TRPM6: variants seen among roughly 807,000 people sequenced by gnomAD.
TRPM6 encodes the protein channel kinase 2.
In TRPM6, 111 loss-of-function variants were observed where a neutral mutation model predicts 247.6. That is an observed-to-expected ratio of 0.45 (90% CI 0.38 to 0.52). The LOEUF is 0.52. TRPM6 is among the 20% of genes least tolerant of loss of function. TRPM6 has a pLI of 0.00. For synonymous variants in TRPM6, 892 were observed against 853.8 expected, an observed-to-expected ratio of 1.04 and a Z score of -0.78; for missense variants, 2,126 against 2,421.5, an observed-to-expected ratio of 0.88 and a Z score of 2.56.
At chr9:74,737,322 A>G (rs1825726627) in intron 36 of TRPM6, 2 of 1,258,362 alleles carry the variant, frequency 1.6e-6, no homozygotes, top group East Asian at 5.6e-5. Context: ...AGCATGTGAC[A>G]CAAGTTTCAA....
intron 28 of TRPM6, among the ~76,000 whole-genome samples, 192 bp from the exon 29 acceptor site, chr9:74,752,560 C>T (rs938344532): frequency 4.6e-5 from 7 of 152,132 alleles, no homozygotes; most frequent in Non-Finnish European, 1.0e-4. Context: ...ACTATATATT[C>T]TATTTCTATT....
Position 74,802,118 on chromosome 9 carries a change from C to G in TRPM6, c.1789G>C (p.Asp597His), listed in dbSNP as rs1406368209. Residue 597 changes from aspartate (D) to histidine (H), a missense_variant, in exon 16 of 39, where the codon GAT becomes CAT. Coordinates refer to ENST00000360774, the MANE Select transcript of TRPM6 (RefSeq NM_017662.5). ...AGAAAGCCAGTAGACTCAGGGTCAT[C>G]TGATACATTTTGTTCTTTTGACTTC... ...RKKSKEQNVSDDPESTGFLYP... is the reference protein window; with the variant it reads ...RKKSKEQNVSHDPESTGFLYP... 6.2e-7 allele frequency: 1 copy of G among 1,614,006 alleles called. No individual in the cohort carries two copies.
At chr9:74,850,722 AAAAAAAAC>A (rs1830275875) in intron 3 of TRPM6, among the ~76,000 whole-genome samples, 2 of 152,094 alleles carry the variant, frequency 1.3e-5, no homozygotes, top group African/African-American at 4.8e-5. Context: ...CTTCGTCTCA[AAAAAAAAC>A]AAAAAAACAA....
intron 1 of TRPM6, among the ~76,000 whole-genome samples, chr9:74,865,559 G>A (rs1046905929): frequency 3.3e-5 from 5 of 152,110 alleles, no homozygotes; most frequent in Admixed American, 6.5e-5. Context: ...CTCTAATCTG[G>A]TTAGATTTTC....
intron 36 of TRPM6, 110 bp downstream of exon 36, chr9:74,738,297 C>G: frequency 9.2e-7 from 1 of 1,090,404 alleles, no homozygotes; most frequent in East Asian, 2.4e-5. Flanking sequence ...GTGCCCACCT[C>G]CCTTCAAAGC....
chr9:74,812,545 A>G (rs1828770766), intron 11 of TRPM6, 112 bp from the exon 12 acceptor site: 4 of 1,114,974 alleles, frequency 3.6e-6, no homozygotes, highest in Admixed American at 2.1e-5. Context: ...TTAAAATAAA[A>G]TCCTGCCATC....
rs903376600 is a variant in TRPM6, at chr9:74,830,763, T to G, written c.670-2814A>C. 3.1e-4 allele frequency among the ~76,000 whole-genome samples: 44 copies of G among 140,082 alleles called. 4 individuals carry two copies. Among genetic ancestry groups the G allele is most frequent in the Middle Eastern group, 3.5e-3 (1 of 288 alleles). The allele number at this position is 140,082 out of a possible 152,430, so 91.9% of individuals were successfully genotyped here. On this transcript the variant is annotated intron_variant, in intron 6 of 38. Coordinates refer to ENST00000360774, the MANE Select transcript of TRPM6 (RefSeq NM_017662.5). ...AGCTAATTTTTGTTTTTTTTTTTTT[T>G]TTTTTTTTTTTTTTTGTAGACAAGG...
At chr9:74,769,733 G>A (rs1366624757) in intron 25 of TRPM6, among the ~76,000 whole-genome samples, 1 of 141,506 alleles carries the variant, frequency 7.1e-6, no homozygotes, top group Non-Finnish European at 1.5e-5. Flanking sequence ...ACTCCAGCCT[G>A]GTGACAGAGT....
chr9:74,761,848 A>C (rs755375567), intron 26 of TRPM6, 40 bp from the exon 27 acceptor site: 2 of 1,528,118 alleles, frequency 1.3e-6, no homozygotes, highest in South Asian at 2.2e-5. Flanking sequence ...TGACAACAGT[A>C]AGTGGGGAAC....
At chr9:74,854,451 T>C (rs1244122866) in intron 3 of TRPM6, among the ~76,000 whole-genome samples, 1 of 152,190 alleles carries the variant, frequency 6.6e-6, no homozygotes, top group Non-Finnish European at 1.5e-5. Context: ...ACCATTACTT[T>C]CAGTAGCAAA....
At chr9:74,733,483 A>G in intron 36 of TRPM6, among the ~76,000 whole-genome samples, 1 of 152,186 alleles carries the variant, frequency 6.6e-6, no homozygotes, top group East Asian at 1.9e-4. Flanking sequence ...CCACTTGTAT[A>G]TAGCAGATAT....
chr9:74,887,263 T>TGCACGGGGAACACTGGGC (rs1831564586), intron 1 of TRPM6: 1 of 1,329,880 alleles, frequency 7.5e-7, no homozygotes, highest in Non-Finnish European at 9.6e-7. Context: ...CCGGGACTCC[T>TGCACGGGGAACACTGGGC]GCACGGGGAA....
rs151218216 is a variant in TRPM6 at position 74,808,041 on chromosome 9, T to C, written c.1631A>G (p.Lys544Arg). 35 of 1,613,930 alleles carry C rather than the reference T, an allele frequency of 2.2e-5. No homozygotes were observed. The highest frequency in any genetic ancestry group is 1.7e-4 in the Middle Eastern group (1 of 6,058). The change falls in exon 14 of 39, where the codon AAA (lysine) becomes AGA (arginine). Residue 544 changes from lysine to arginine, a missense_variant. Lys to Arg is a conservative substitution (Grantham distance 26). This residue lies in a region of TRPM6 where 1,082 missense variants were observed against 1,307.9 expected (regional missense o/e 0.83). Transcript: ENST00000360774. The part of the protein sequence containing the change: ...FRALYNNLYR[K>R]YKHQRHSSGN... ...ACTTTTCAATTACTCTACCTTGTAT[T>C]TTCTGTAGAGGTTGTTGTAGAGGGC...
chr9:74,743,974 C>A (rs1825949111), intron 32 of TRPM6, 121 bp downstream of exon 32: 1 of 969,938 alleles, frequency 1.0e-6, no homozygotes, highest in Non-Finnish European at 1.6e-6. Flanking sequence ...TCAAAGTGAA[C>A]AATAACTTTT....
intron 31 of TRPM6, among the ~76,000 whole-genome samples, chr9:74,746,316 TAG>T (rs1826046125): frequency 1.3e-5 from 2 of 151,960 alleles, no homozygotes; most frequent in African/African-American, 4.8e-5. Flanking sequence ...GATTTACTGA[TAG>T]ATGGGATGTA....
chr9:74,869,488 C>T (rs1360196538), intron 1 of TRPM6, among the ~76,000 whole-genome samples: 5 of 150,120 alleles, frequency 3.3e-5, no homozygotes, highest in Admixed American at 1.3e-4. Context: ...CATAAATGGA[C>T]GATATAAAGC....
At chr9:74,753,714 A>G (rs1386978388) in intron 28 of TRPM6, among the ~76,000 whole-genome samples, 1 of 152,122 alleles carries the variant, frequency 6.6e-6, no homozygotes, top group Non-Finnish European at 1.5e-5. Context: ...AAACAGAGAG[A>G]GAGAATGCTA....
At chr9:74,790,704 G>A (rs1827871057) in intron 19 of TRPM6, among the ~76,000 whole-genome samples, 1 of 152,112 alleles carries the variant, frequency 6.6e-6, no homozygotes, top group South Asian at 2.1e-4. Context: ...CTGAATCTTA[G>A]GTTACCCTCA....
Position 74,858,704 on chromosome 9 carries a change from A to T in TRPM6, c.78T>A (p.Cys26Ter). The change falls in exon 2 of 39, where the codon TGT (cysteine) becomes TGA (stop). Residue 26 changes from cysteine to a stop codon, truncating the protein, a stop_gained. Transcript: ENST00000360774. LOFTEE classifies it high-confidence loss of function. Reference sequence around the variant, plus strand: ...TTTTTGAGCTGGGTATGATTGTGCTACATTCTCTCTTGTCAAATACTCCTT... The same window carrying T: ...TTTTTGAGCTGGGTATGATTGTGCTTCATTCTCTCTTGTCAAATACTCCTT... ...WIKGVFDKRE[C>*]STIIPSSKNP... is the part of the protein sequence containing the mutation. The T allele has an allele frequency of 6.2e-7, 1 of 1,613,656 alleles. No homozygotes were observed. The highest frequency in any genetic ancestry group is 1.1e-5 in the South Asian group (1 of 91,008).
Sources: allele counts gnomAD v4.1 joint callset (sites outside exome capture counted in the v4.1 genomes callset), GRCh38; gene constraint gnomAD v4.1.1; regional missense constraint gnomAD v4.1.1; transcripts MANE v1.5; gene names NCBI Gene and HGNC (gene_info 2026-07-23, HGNC 2026-07-21).